CNTNAP4: variants seen among roughly 807,000 people sequenced by gnomAD.
CNTNAP4 encodes the protein contactin-associated protein-like 4.
CNTNAP4 carries 98 observed loss-of-function variants against 148.4 expected under a neutral mutation model. The observed-to-expected ratio is 0.66, with a 90% confidence interval of 0.56 to 0.78. The LOEUF is 0.78. Ranked by LOEUF, CNTNAP4 falls within the 30% of genes least tolerant of loss-of-function variation. The pLI is 0.00. For synonymous variants in CNTNAP4, 730 were observed against 565.1 expected (o/e 1.29, Z -4.14); for missense variants, 1,935 against 1,565.6 (o/e 1.24, Z -3.98).
intron 3 of CNTNAP4, among the ~76,000 whole-genome samples, chr16:76,395,525 A>C (rs534360571): frequency 6.0e-4 from 91 of 151,960 alleles, no homozygotes; most frequent in Admixed American, 2.1e-3. Flanking sequence ...CAGCCTCCCA[A>C]AGTGCTGGTA....
At chr16:76,533,141 G>A (rs894389332) in intron 17 of CNTNAP4, among the ~76,000 whole-genome samples, 2 of 152,066 alleles carry the variant, frequency 1.3e-5, no homozygotes, top group Non-Finnish European at 2.9e-5. Context: ...ATATGTAATG[G>A]AATACAATTC....
chr16:76,419,817 G>GAA (rs2079116590), intron 3 of CNTNAP4, among the ~76,000 whole-genome samples: 2 of 152,156 alleles, frequency 1.3e-5, no homozygotes, highest in East Asian at 3.9e-4. Flanking sequence ...CCTATTTGTG[G>GAA]TTTGCAGATG....
intron 3 of CNTNAP4, among the ~76,000 whole-genome samples, chr16:76,369,946 G>A (rs574690630): frequency 7.9e-4 from 121 of 152,208 alleles, no homozygotes; most frequent in African/African-American, 2.8e-3. Context: ...GCCTACAATG[G>A]TGAGGGCAGG....
At chr16:76,552,855 TAG>T (rs1354672481) in intron 21 of CNTNAP4, among the ~76,000 whole-genome samples, 1 of 152,220 alleles carries the variant, frequency 6.6e-6, no homozygotes, top group Non-Finnish European at 1.5e-5. Flanking sequence ...ATTTTCTCTC[TAG>T]TTTCTGTTAC....
chr16:76,498,778 C>CT, intron 15 of CNTNAP4, 84 bp downstream of exon 15: 1 of 1,291,202 alleles, frequency 7.7e-7, no homozygotes, highest in Non-Finnish European at 1.0e-6. Flanking sequence ...ACGTTTCTAT[C>CT]ATATAATAAC....
chr16:76,316,538 C>T lies in CNTNAP4; in HGVS notation c.196+15C>T, dbSNP rs759294032. 3 of 1,530,472 alleles carry T rather than the reference C, an allele frequency of 2.0e-6. No individual in the cohort carries two copies. The highest frequency in any genetic ancestry group is 1.7e-4 in the Middle Eastern group (1 of 5,934). 94.8% of individuals were successfully genotyped at this position (1,530,472 alleles called of 1,614,324 possible). ...TAGAAGAGATGGTAAGTCTGCTTTT[C>T]TCCTCTGACTGGCCCATAGAAAATC... On this transcript the variant is annotated intron_variant, in intron 2 of 23. Transcript: ENST00000611870.
At chr16:76,309,116 T>C (rs1960812194) in intron 1 of CNTNAP4, among the ~76,000 whole-genome samples, 1 of 152,088 alleles carries the variant, frequency 6.6e-6, no homozygotes, top group African/African-American at 2.4e-5. Context: ...ATAATACTTT[T>C]TACCAGGTGG....
chr16:76,553,403 C>G lies in CNTNAP4; in HGVS notation c.3563C>G (p.Pro1188Arg), dbSNP rs1410006375. Residue 1188 changes from proline to arginine, a missense_variant, in exon 22 of 24, where the codon CCA (proline) becomes CGA (arginine). Transcript: ENST00000611870. ...PLKAALHPSH[P>R]DPVTVTGHVT... Reference sequence around the variant, plus strand: ...AAGGCAGCTCTGCACCCCAGCCACCCAGACCCTGTCACTGTTACAGGACAC... The same window carrying G: ...AAGGCAGCTCTGCACCCCAGCCACCGAGACCCTGTCACTGTTACAGGACAC... The G allele has an allele frequency of 1.9e-6, 3 of 1,612,346 alleles. No individual in the cohort carries two copies. In the Admixed American group the frequency reaches 5.0e-5, roughly 27 times the overall value.
chr16:76,359,281 A>T (rs1176879075), intron 3 of CNTNAP4, among the ~76,000 whole-genome samples: 1 of 152,210 alleles, frequency 6.6e-6, no homozygotes, highest in East Asian at 1.9e-4. Flanking sequence ...GCTCCACATG[A>T]TGCAAATAAG....
At chr16:76,279,690 G>T (rs748849082) in intron 1 of CNTNAP4, among the ~76,000 whole-genome samples, 9 of 152,288 alleles carry the variant, frequency 5.9e-5, no homozygotes, top group East Asian at 5.8e-4. Flanking sequence ...CATGCATGTG[G>T]AGTTGACTGT....
chr16:76,467,348 T>G lies in CNTNAP4; in HGVS notation c.1484-4T>G. Reference sequence around the variant, plus strand: ...GCGTACTGGATTTATTTCGTTTTTATCAGGTTGTCCTGACAAAAGCTTTGG... The same window carrying G: ...GCGTACTGGATTTATTTCGTTTTTAGCAGGTTGTCCTGACAAAAGCTTTGG... On this transcript the variant is annotated splice_polypyrimidine_tract_variant and splice_region_variant and intron_variant, in intron 9 of 23. Transcript: ENST00000611870. The G allele has an allele frequency of 6.2e-7, 1 of 1,613,724 alleles. No homozygotes were observed. The highest frequency in any genetic ancestry group is 8.5e-7 in the Non-Finnish European group (1 of 1,179,740).
chr16:76,324,222 C>A (rs991526089), intron 2 of CNTNAP4, among the ~76,000 whole-genome samples: 1 of 152,102 alleles, frequency 6.6e-6, no homozygotes, highest in Non-Finnish European at 1.5e-5. Flanking sequence ...ATAAATGTGG[C>A]CCAACTGAAA....
intron 3 of CNTNAP4, among the ~76,000 whole-genome samples, chr16:76,389,741 C>T (rs1356718898): frequency 3.3e-5 from 5 of 152,112 alleles, no homozygotes; most frequent in South Asian, 4.1e-4. Flanking sequence ...GCTGGGATTA[C>T]GGGCGTGAGC....
intron 1 of CNTNAP4, 89 bp from the exon 2 acceptor site, chr16:76,316,324 G>T: frequency 1.2e-6 from 1 of 805,910 alleles, no homozygotes; most frequent in African/African-American, 1.7e-5. Context: ...TTTTGATGTT[G>T]TTGTTTTACT....
intron 4 of CNTNAP4, among the ~76,000 whole-genome samples, chr16:76,443,838 A>C (rs2143071676): frequency 6.6e-6 from 1 of 152,238 alleles, no homozygotes; most frequent in South Asian, 2.1e-4. Context: ...TTGCTTTTTT[A>C]AGAGCTCAAA....
At chr16:76,382,018 G>A (rs890851430) in intron 3 of CNTNAP4, among the ~76,000 whole-genome samples, 1 of 131,122 alleles carries the variant, frequency 7.6e-6, no homozygotes, top group African/African-American at 3.0e-5. Context: ...CTGAGATCGC[G>A]CCACTGCGCT....
At chr16:76,318,425 T>A (rs909773976) in intron 2 of CNTNAP4, among the ~76,000 whole-genome samples, 15 of 152,174 alleles carry the variant, frequency 9.9e-5, no homozygotes, top group Non-Finnish European at 1.8e-4. Context: ...CTTAATTCAT[T>A]TCTATGGCTC....
At chr16:76,529,964 C>A (rs2083903600) in intron 17 of CNTNAP4, among the ~76,000 whole-genome samples, 1 of 152,008 alleles carries the variant, frequency 6.6e-6, no homozygotes, top group Non-Finnish European at 1.5e-5. Context: ...AGTGCCATAT[C>A]TCTATTCACC....
At chr16:76,422,610 G>C (rs972469200) in intron 3 of CNTNAP4, among the ~76,000 whole-genome samples, 1 of 150,966 alleles carries the variant, frequency 6.6e-6, no homozygotes, top group Non-Finnish European at 1.5e-5. Context: ...CCTTTTGATG[G>C]CTTAGCTAAA....
Sources: allele counts gnomAD v4.1 joint callset (sites outside exome capture counted in the v4.1 genomes callset), GRCh38; gene constraint gnomAD v4.1.1; transcripts MANE v1.5; gene names NCBI Gene and HGNC (gene_info 2026-07-23, HGNC 2026-07-21).